LSAMP: variants seen among roughly 807,000 people sequenced by gnomAD.
LSAMP encodes limbic system-associated membrane protein.
In LSAMP, 7 loss-of-function variants were observed where a neutral mutation model predicts 38.6. The ratio of observed to expected loss-of-function variants is 0.18; its 90% CI spans 0.10 to 0.34. The LOEUF (loss-of-function observed/expected upper bound fraction) is 0.34. Among genes scored for constraint, LSAMP ranks in the 10% least tolerant of loss-of-function variants. The probability of loss-of-function intolerance (pLI) is 1.00; values close to 1 mark genes in which losing one functional copy is unlikely to be tolerated. For synonymous variants in LSAMP, 154 were observed against 166.8 expected, an observed-to-expected ratio of 0.92 and a Z score of 0.59; for missense variants, 313 against 420.0, an observed-to-expected ratio of 0.75 and a Z score of 2.23.
chr3:116,252,062 G>A (rs543905388), intron 1 of LSAMP, among the ~76,000 whole-genome samples: 121 of 152,276 alleles, frequency 7.9e-4, no homozygotes, highest in Middle Eastern at 3.4e-3. Context: ...GTCAGCTCTC[G>A]TTAGGAGCGT....
chr3:115,867,897 T>A (rs1245595030), intron 3 of LSAMP, among the ~76,000 whole-genome samples: 1 of 152,168 alleles, frequency 6.6e-6, no homozygotes, highest in East Asian at 1.9e-4. Context: ...GAGCATGTGA[T>A]TGCAAAGGCA....
rs145617772 is a variant in LSAMP at position 116,236,006 on chromosome 3, C to T, written c.156-149450G>A. Among the ~76,000 whole-genome samples, 5 of 151,968 alleles carry T rather than the reference C, an allele frequency of 3.3e-5. No individual in the cohort carries two copies. In the East Asian group the frequency reaches 7.7e-4, roughly 23 times the overall value. Reference sequence around the variant, plus strand: ...AGGTGCGGAATAAATTTATTTGGTGCCTTTTATTATTAAAACTGATTGTAC... The same window carrying T: ...AGGTGCGGAATAAATTTATTTGGTGTCTTTTATTATTAAAACTGATTGTAC... On this transcript the variant is annotated intron_variant, in intron 1 of 6. Transcript: ENST00000490035.
At chr3:116,293,805 G>A (rs2047297003) in intron 1 of LSAMP, among the ~76,000 whole-genome samples, 1 of 151,996 alleles carries the variant, frequency 6.6e-6, no homozygotes, top group African/African-American at 2.4e-5. Context: ...GGTAAGGCAG[G>A]AATTGTTCTA....
At chr3:116,340,713 C>A (rs2107752589) in intron 1 of LSAMP, among the ~76,000 whole-genome samples, 1 of 152,128 alleles carries the variant, frequency 6.6e-6, no homozygotes, top group Non-Finnish European at 1.5e-5. Flanking sequence ...ATCTGTCACA[C>A]AGCCTACAAA....
At chr3:116,257,902 C>A (rs941402341) in intron 1 of LSAMP, among the ~76,000 whole-genome samples, 2 of 152,094 alleles carry the variant, frequency 1.3e-5, no homozygotes, top group Non-Finnish European at 2.9e-5. Context: ...TCTTTGTTTT[C>A]TCAGTAAACA....
At chr3:116,397,940 T>C (rs559442466) in intron 1 of LSAMP, among the ~76,000 whole-genome samples, 20 of 152,112 alleles carry the variant, frequency 1.3e-4, no homozygotes, top group African/African-American at 4.8e-4. Flanking sequence ...TGCCTTCCAC[T>C]TGAGTGCTTT....
At chr3:115,892,927 A>G (rs1457309487) in intron 3 of LSAMP, among the ~76,000 whole-genome samples, 1 of 151,592 alleles carries the variant, frequency 6.6e-6, no homozygotes, top group Non-Finnish European at 1.5e-5. Context: ...CAGAACTACA[A>G]ATATTGGGTA....
chr3:115,931,988 C>A (rs1047907968), intron 3 of LSAMP, among the ~76,000 whole-genome samples: 1 of 152,106 alleles, frequency 6.6e-6, no homozygotes, highest in Non-Finnish European at 1.5e-5. Context: ...AAAGATGAAA[C>A]AGGCCATGTT....
chr3:116,288,044 C>A (rs1042820521), intron 1 of LSAMP, among the ~76,000 whole-genome samples: 1 of 152,172 alleles, frequency 6.6e-6, no homozygotes, highest in Non-Finnish European at 1.5e-5. Context: ...AAGTAAGATA[C>A]TATGACCATA....
chr3:116,166,509 A>C (rs922003975), intron 1 of LSAMP, among the ~76,000 whole-genome samples: 9 of 152,184 alleles, frequency 5.9e-5, no homozygotes, highest in Admixed American at 2.6e-4. Flanking sequence ...TGTTATAAGC[A>C]ACTGCAGGCA....
intron 1 of LSAMP, among the ~76,000 whole-genome samples, chr3:116,426,085 A>C (rs2049191240): frequency 6.6e-6 from 1 of 152,180 alleles, no homozygotes; most frequent in South Asian, 2.1e-4. Flanking sequence ...AGGTAAGTTT[A>C]AAAAAGAATA....
intron 3 of LSAMP, 106 bp from the exon 4 acceptor site, chr3:115,852,723 T>C (rs536820410): frequency 1.8e-6 from 2 of 1,110,476 alleles, no homozygotes; most frequent in Admixed American, 5.5e-5. Flanking sequence ...TTTTCAATGA[T>C]TTGAAAATGT....
chr3:115,884,948 A>T (rs966116750), intron 3 of LSAMP, among the ~76,000 whole-genome samples: 1 of 152,046 alleles, frequency 6.6e-6, no homozygotes, highest in Non-Finnish European at 1.5e-5. Context: ...TGATTTTGAA[A>T]AGAAATGTCA....
At chr3:116,207,423 A>G (rs1490342684) in intron 1 of LSAMP, among the ~76,000 whole-genome samples, 10 of 150,666 alleles carry the variant, frequency 6.6e-5, no homozygotes, top group Non-Finnish European at 1.5e-4. Flanking sequence ...TAATATGGTT[A>G]TGTGTGAATT....
At chr3:115,854,290 T>A (rs1311482896) in intron 3 of LSAMP, among the ~76,000 whole-genome samples, 329 of 140,344 alleles carry the variant, frequency 2.3e-3, no homozygotes, top group Middle Eastern at 7.4e-3. Flanking sequence ...TTATTTTTTT[T>A]TTTTTTTTTT....
At chr3:116,433,063 G>T (rs1447955978) in intron 1 of LSAMP, among the ~76,000 whole-genome samples, 1 of 152,124 alleles carries the variant, frequency 6.6e-6, no homozygotes, top group Non-Finnish European at 1.5e-5. Context: ...ACCATATGTG[G>T]CTTACGTCTC....
chr3:116,301,553 G>A (rs1047229048), intron 1 of LSAMP, among the ~76,000 whole-genome samples: 3 of 152,074 alleles, frequency 2.0e-5, no homozygotes, highest in Admixed American at 2.0e-4. Flanking sequence ...TCCCAAAACG[G>A]TTTCTTGAGA....
chr3:116,076,692 T>C lies in LSAMP; in HGVS notation c.388+9632A>G, dbSNP rs540088407. On this transcript the variant is annotated intron_variant, in intron 2 of 6. Coordinates refer to ENST00000490035, the MANE Select transcript of LSAMP (RefSeq NM_002338.5). ...TAAAAAATTCAATTTACCTTGGGGA[T>C]CATTATATTTTCATTTTAAACATCT... is the stretch of plus-strand genomic sequence containing the variant. 9.2e-4 allele frequency among the ~76,000 whole-genome samples: 140 copies of C among 152,344 alleles called. 1 individual carries two copies. The highest frequency in any genetic ancestry group is 1.7e-3 in the African/African-American group (72 of 41,578).
chr3:116,392,017 G>A (rs569067011), intron 1 of LSAMP, among the ~76,000 whole-genome samples: 1 of 152,190 alleles, frequency 6.6e-6, no homozygotes. Flanking sequence ...TGAGCCTGGT[G>A]ATGGGGAGCC....
Sources: gnomAD v4.1 joint callset for allele counts (sites outside exome capture counted in the v4.1 genomes callset) on GRCh38, gnomAD v4.1.1 for gene constraint, MANE v1.5 for transcripts, NCBI Gene and HGNC (gene_info 2026-07-23, HGNC 2026-07-21) for gene names.